Variants in CSMD2 observed in about 807,000 individuals in gnomAD.
CSMD2 encodes CUB and sushi domain-containing protein 2.
Under a neutral mutation model 398.5 loss-of-function variants are expected in CSMD2, and 130 were observed. The ratio of observed to expected loss-of-function variants is 0.33; its 90% CI spans 0.28 to 0.38. The LOEUF is 0.38. Ranked by LOEUF, CSMD2 falls within the 10% of genes least tolerant of loss-of-function variation. CSMD2 has a pLI of 1.00. For missense variants in CSMD2, 3,829 were observed against 4,764.9 expected (o/e 0.80, Z 5.78); for synonymous variants, 1,828 against 1,908.5 (o/e 0.96, Z 1.10).
At chr1:33,848,203 TG>T (rs1638423758) in intron 5 of CSMD2, among the ~76,000 whole-genome samples, 2 of 152,194 alleles carry the variant, frequency 1.3e-5, no homozygotes, top group African/African-American at 4.8e-5. Context: ...GGCAGTATCC[TG>T]GGGCTGGCAA....
intron 64 of CSMD2, among the ~76,000 whole-genome samples, chr1:33,531,870 GAA>G (rs1005904332): frequency 6.6e-6 from 1 of 152,146 alleles, no homozygotes; most frequent in Non-Finnish European, 1.5e-5. Flanking sequence ...TCGAGATAAT[GAA>G]AAAATTCTGG....
intron 4 of CSMD2, among the ~76,000 whole-genome samples, chr1:33,923,704 A>C (rs1644027509): frequency 6.6e-6 from 1 of 152,160 alleles, no homozygotes; most frequent in Admixed American, 6.5e-5. Context: ...TAGTCACCAT[A>C]GTCTGCTATT....
At chr1:33,758,268 C>T (rs145202310) in intron 13 of CSMD2, among the ~76,000 whole-genome samples, 2,916 of 152,316 alleles carry the variant, frequency 0.019, 37 homozygotes, top group South Asian at 0.03. Context: ...CCCCCACTTA[C>T]CCTTCCTAGC....
At chr1:34,064,896 A>G (rs1654938985) in intron 2 of CSMD2, among the ~76,000 whole-genome samples, 1 of 152,198 alleles carries the variant, frequency 6.6e-6, no homozygotes, top group African/African-American at 2.4e-5. Context: ...TGGCAACAAG[A>G]GAAAAATGAG....
At chr1:33,924,897 A>G (rs954514519) in intron 4 of CSMD2, among the ~76,000 whole-genome samples, 1 of 151,968 alleles carries the variant, frequency 6.6e-6, no homozygotes, top group Admixed American at 6.5e-5. Context: ...TGTTATTATT[A>G]TTATTTTTTT....
At position 34,164,244 on chromosome 1, in the gene CSMD2, G is replaced by T. The variant is rs1235086965; in HGVS notation, c.187+667C>A. ...CCTTCCCATCCCTCAACACCCTCCAGCCCCCACCTGCACCCTCCTGCAAGG... is the reference window on the plus strand; with the variant it reads ...CCTTCCCATCCCTCAACACCCTCCATCCCCCACCTGCACCCTCCTGCAAGG... On this transcript the variant is annotated intron_variant, in intron 1 of 70. Transcript: ENST00000373381. The surrounding 1 kb of genome is among the most constrained non-coding windows in gnomAD (Gnocchi z 6.2). 6.7e-6 allele frequency among the ~76,000 whole-genome samples: 1 copy of T among 149,204 alleles called. No individual in the cohort carries two copies. Among genetic ancestry groups the T allele is most frequent in the Non-Finnish European group, 1.5e-5 (1 of 67,076 alleles).
At chr1:33,656,961 C>G (rs1643965293) in intron 27 of CSMD2, among the ~76,000 whole-genome samples, 1 of 152,152 alleles carries the variant, frequency 6.6e-6, no homozygotes, top group African/African-American at 2.4e-5. Flanking sequence ...ATTATTTCAC[C>G]TGAGCAAAAT....
chr1:33,552,210 C>T (rs1372562402), intron 55 of CSMD2, among the ~76,000 whole-genome samples: 1 of 152,188 alleles, frequency 6.6e-6, no homozygotes, highest in Non-Finnish European at 1.5e-5. Flanking sequence ...TGAGATAGCA[C>T]TTTGCATCCA....
chr1:33,704,362 A>G (rs1645706915), intron 22 of CSMD2, among the ~76,000 whole-genome samples: 3 of 152,076 alleles, frequency 2.0e-5, no homozygotes, highest in Admixed American at 2.0e-4. Flanking sequence ...GCTGCGTTCT[A>G]TTGGTGATAG....
chr1:34,117,196 TAA>T (rs375131433), intron 1 of CSMD2, among the ~76,000 whole-genome samples: 5 of 151,648 alleles, frequency 3.3e-5, no homozygotes, highest in African/African-American at 1.2e-4. Flanking sequence ...TAAACAAAAT[TAA>T]GAGTTGATTT....
At position 34,163,300 on chromosome 1, in the gene CSMD2, T is replaced by C. The variant is rs1439840767; in HGVS notation, c.187+1611A>G. ...TCGGTATGCACAGCCTCCCAGTGGG[T>C]GTGGGTGTGCGAGAGGCCAGAGCTC... On this transcript the variant is annotated intron_variant, in intron 1 of 70. Coordinates refer to ENST00000373381, the MANE Select transcript of CSMD2 (RefSeq NM_001281956.2). The surrounding 1 kb of genome is among the most constrained non-coding windows in gnomAD (Gnocchi z 5.4). 6.6e-6 allele frequency among the ~76,000 whole-genome samples: 1 copy of C among 152,026 alleles called. No individual in the cohort carries two copies. The highest frequency in any genetic ancestry group is 1.5e-5 in the Non-Finnish European group (1 of 68,012).
intron 13 of CSMD2, among the ~76,000 whole-genome samples, chr1:33,749,962 A>G (rs1273864101): frequency 1.3e-5 from 2 of 152,248 alleles, no homozygotes; most frequent in African/African-American, 2.4e-5. Flanking sequence ...ACACACAATC[A>G]TATCCACCAA....
intron 24 of CSMD2, among the ~76,000 whole-genome samples, chr1:33,693,516 CT>C (rs1645313101): frequency 6.6e-6 from 1 of 152,200 alleles, no homozygotes. Flanking sequence ...GGTGCAGCTG[CT>C]TTCAAAAACA....
chr1:33,717,174 T>C (rs1646200615), intron 19 of CSMD2, among the ~76,000 whole-genome samples: 1 of 152,084 alleles, frequency 6.6e-6, no homozygotes, highest in Admixed American at 6.6e-5. Flanking sequence ...TGGCTACTCC[T>C]GGAATTGAAG....
chr1:33,839,069 T>G (rs1660588897), intron 6 of CSMD2: 1 of 152,292 alleles, frequency 6.6e-6, no homozygotes, highest in African/African-American at 2.4e-5. Context: ...ATATCATTTC[T>G]GATGTAATCA....
At chr1:34,127,115 C>T (rs1034555754) in intron 1 of CSMD2, among the ~76,000 whole-genome samples, 11 of 151,958 alleles carry the variant, frequency 7.2e-5, no homozygotes, top group African/African-American at 1.5e-4. Flanking sequence ...CGGAAGGCAA[C>T]GAGGGCATGA....
chr1:33,864,395 A>C (rs775994116), intron 5 of CSMD2: 1 of 1,614,100 alleles, frequency 6.2e-7, no homozygotes, highest in South Asian at 1.1e-5. Flanking sequence ...AACTCGACAA[A>C]GCCCGATACC....
intron 6 of CSMD2, chr1:33,839,932 A>G (rs1660682059): frequency 6.5e-6 from 1 of 152,972 alleles, no homozygotes; most frequent in Admixed American, 6.5e-5. Context: ...GCTCCCCAGA[A>G]GCTGGTTATG....
intron 3 of CSMD2, among the ~76,000 whole-genome samples, chr1:33,970,953 GGAT>G (rs1448788757): frequency 2.0e-5 from 3 of 152,260 alleles, no homozygotes; most frequent in African/African-American, 7.2e-5. Context: ...AGTAAAATCA[GGAT>G]GATAACAATC....
Sources: allele counts gnomAD v4.1 joint callset (sites outside exome capture counted in the v4.1 genomes callset), GRCh38; gene constraint gnomAD v4.1.1; non-coding constraint Gnocchi (gnomAD v3.1); transcripts MANE v1.5; gene names NCBI Gene and HGNC (gene_info 2026-07-23, HGNC 2026-07-21).